The following CHADL variants were observed in gnomAD, a reference collection of about 807,000 sequenced individuals.
CHADL encodes the protein chondroadherin like.
Under a neutral mutation model 52.1 loss-of-function variants are expected in CHADL, and 48 were observed. The observed-to-expected ratio is 0.92, with a 90% CI of 0.73 to 1.17. The LOEUF (loss-of-function observed/expected upper bound fraction) is 1.17. CHADL is among the 50% of genes most tolerant of loss of function. The pLI is 0.00. For synonymous variants in CHADL, 498 were observed against 511.2 expected (o/e 0.97, Z 0.35); for missense variants, 977 against 1,035.1 (o/e 0.94, Z 0.77).
chr22:41,230,778 A>G (rs1401754017), intron 5 of CHADL: 1 of 153,446 alleles, frequency 6.5e-6, no homozygotes. Flanking sequence ...TCTCAGCCTC[A>G]TGTGTTGGTC....
At chr22:41,230,771 C>T (rs908496904) in intron 5 of CHADL, 5 of 154,060 alleles carry the variant, frequency 3.2e-5, no homozygotes, top group African/African-American at 9.6e-5. Flanking sequence ...GAATGCCTCT[C>T]AGCCTCATGT....
chr22:41,236,657 G>A lies in CHADL; in HGVS notation c.1897-7C>T, dbSNP rs1254481636. On this transcript the variant is annotated splice_polypyrimidine_tract_variant and splice_region_variant and intron_variant, in intron 3 of 5. Transcript: ENST00000216241. ...AAAAGGCCCCAGGACAAATCTGCAAGGAGTTGCCAGGCCCCAATGTGAGCT... is the reference window on the plus strand; with the variant it reads ...AAAAGGCCCCAGGACAAATCTGCAAAGAGTTGCCAGGCCCCAATGTGAGCT... 1 of 1,545,286 alleles carries A rather than the reference G, an allele frequency of 6.5e-7. No individual in the cohort carries two copies. The highest frequency in any genetic ancestry group is 8.7e-7 in the Non-Finnish European group (1 of 1,145,994).
chr22:41,239,667 A>G (rs777415300), intron 1 of CHADL, 47 bp from the exon 2 acceptor site: 41 of 1,439,900 alleles, frequency 2.8e-5, no homozygotes, highest in African/African-American at 7.2e-5. Flanking sequence ...CCGAGGCCAC[A>G]TGCTGTCCCT....
chr22:41,230,279 GC>G (rs1466931005), intron 5 of CHADL: 1 of 1,566,306 alleles, frequency 6.4e-7, no homozygotes, highest in Non-Finnish European at 8.8e-7. Flanking sequence ...CTGGCTTCTA[GC>G]TGGAAGCCAG....
chr22:41,235,456 C>T, intron 4 of CHADL, 113 bp from the exon 5 acceptor site: 1 of 771,734 alleles, frequency 1.3e-6, no homozygotes, highest in Non-Finnish European at 2.1e-6. Context: ...CACAAGGCCA[C>T]AGGCAGCATG....
Position 41,229,586 on chromosome 22 carries a change from C to T in CHADL, c.*118G>A, listed in dbSNP as rs183758194. The T allele has an allele frequency of 6.2e-7, 1 of 1,613,580 alleles. No homozygotes were observed. ...AGACGCGACCCCTCAGACAGGGGTC[C>T]AAGAAGCCCCTGCTGGAGGACGACC... On this transcript the variant is annotated 3_prime_UTR_variant, in exon 6 of 6. Transcript: ENST00000216241.
chr22:41,237,246 C>T lies in CHADL; in HGVS notation c.1826G>A (p.Arg609His). The T allele has an allele frequency of 6.4e-7, 1 of 1,550,526 alleles. No homozygotes were observed. The highest frequency in any genetic ancestry group is 1.2e-5 in the South Asian group (1 of 84,044). ...QLSGNPLRAL[R>H]DGAFQPVGRS... ...GCCCACAGGCTGGAAGGCTCCGTCA[C>T]GCAAGGCCCTGAGTGGGTTGCCCGA... The change falls in exon 3 of 6, where the codon CGT (arginine) becomes CAT (histidine). Residue 609 changes from arginine (R) to histidine (H), a missense_variant. Transcript: ENST00000216241.
At position 41,233,092 on chromosome 22, in the gene CHADL, T is replaced by TTAA. The variant is rs529051627; in HGVS notation, c.2262+2052_2262+2053insTTA. ...GAGTATGACCTTACTTGGAAATAGA[T>TTAA]TCCTTACAGAAGTAATGAAGTTAAA... On this transcript the variant is annotated intron_variant, in intron 5 of 5. Coordinates refer to ENST00000216241, the MANE Select transcript of CHADL (RefSeq NM_138481.2). Among the ~76,000 whole-genome samples, 17 of 152,202 alleles carry TTAA rather than the reference T, an allele frequency of 1.1e-4. No homozygotes were observed. In the South Asian group the frequency reaches 3.3e-3, roughly 30 times the overall value.
In CHADL at chr22:41,232,075, G is replaced by A. The variant is rs150297179; in HGVS notation, c.2263-2345C>T. Among the ~76,000 whole-genome samples the A allele has an allele frequency of 9.4e-3, 1,437 of 152,294 alleles. 7 individuals are homozygous for A. Among genetic ancestry groups the A allele is most frequent in the Non-Finnish European group, 0.015 (1,048 of 68,038 alleles). ...TTGCCGGGCGCGGTGGCTCACGCCT[G>A]TAATCCCAGCACTTTGGGAGGCCAC... is the stretch of plus-strand genomic sequence containing the variant. On this transcript the variant is annotated intron_variant, in intron 5 of 5. Transcript: ENST00000216241.
At position 41,230,233 on chromosome 22, in the gene CHADL, G is replaced by A. The variant is rs750626823; in HGVS notation, c.2263-503C>T. The A allele has an allele frequency of 1.4e-5, 23 of 1,612,910 alleles. No homozygotes were observed. The South Asian group carries it at 2.5e-4, about 18-fold the overall frequency. ...TGCCTGTCTCCGTCGAGAACATCAA[G>A]CAGGAAACAGACGACTGAGCCTTCC... On this transcript the variant is annotated intron_variant, in intron 5 of 5. Coordinates refer to ENST00000216241, the MANE Select transcript of CHADL (RefSeq NM_138481.2).
chr22:41,239,097 C>T (rs531185316), intron 2 of CHADL, among the ~76,000 whole-genome samples: 119 of 152,286 alleles, frequency 7.8e-4, no homozygotes, highest in African/African-American at 2.8e-3. Flanking sequence ...CCTGCCTCCT[C>T]GCTCTCTCTC....
intron 5 of CHADL, chr22:41,230,089 C>CCCCCCCCCTTT: frequency 1.1e-6 from 1 of 873,242 alleles, no homozygotes. Context: ...GCCCCCACCC[C>CCCCCCCCCTTT]TCCCAGAGTT....
chr22:41,239,739 G>T, intron 1 of CHADL, 119 bp from the exon 2 acceptor site: 1 of 947,352 alleles, frequency 1.1e-6, no homozygotes, highest in Non-Finnish European at 1.5e-6. Context: ...TCCTCCTTTG[G>T]GCCCAGGAAA....
rs377726225 is a variant in CHADL, at chr22:41,240,918, C to T, written c.-37G>A. ...CTGCTGGTCCAGCCTGGAGGCGCAGCGCAGGGACAGGCTGTCCCCGCCTGG... is the reference window on the plus strand; with the variant it reads ...CTGCTGGTCCAGCCTGGAGGCGCAGTGCAGGGACAGGCTGTCCCCGCCTGG... On this transcript the variant is annotated 5_prime_UTR_variant, in exon 1 of 6. Coordinates refer to ENST00000216241, the MANE Select transcript of CHADL (RefSeq NM_138481.2). 33 of 1,544,522 alleles carry T rather than the reference C, an allele frequency of 2.1e-5. No homozygotes were observed. Among genetic ancestry groups the T allele is most frequent in the Middle Eastern group, 1.7e-4 (1 of 5,962 alleles).
intron 1 of CHADL, among the ~76,000 whole-genome samples, 154 bp from the exon 2 acceptor site, chr22:41,239,774 G>GC (rs1391053886): frequency 6.6e-6 from 1 of 152,106 alleles, no homozygotes; most frequent in Non-Finnish European, 1.5e-5. Flanking sequence ...GAGCCTCCCT[G>GC]CCCCCCACCC....
chr22:41,238,033 G>A lies in CHADL; in HGVS notation c.1039C>T (p.Leu347=). Residue 347 remains leucine, a synonymous_variant, in exon 3 of 6, where the codon CTG becomes TTG. Coordinates refer to ENST00000216241, the MANE Select transcript of CHADL (RefSeq NM_138481.2). This position sits in a 1 kb window ranked among gnomAD's most constrained non-coding sequence, Gnocchi z 4.9. ...QGPRRLRGEA[L]DALRPWDLRC... ...AGGTCCCAGGGCCGCAGGGCGTCCA[G>A]AGCCTCGCCCCGCAGGCGCCGCGGC... The A allele has an allele frequency of 7.8e-7, 1 of 1,279,990 alleles. No homozygotes were observed. Among genetic ancestry groups the A allele is most frequent in the Non-Finnish European group, 9.8e-7 (1 of 1,020,038 alleles). The allele number at this position is 1,279,990 out of a possible 1,614,324, so 79.3% of individuals were successfully genotyped here.
In CHADL at chr22:41,238,926, G is replaced by T; in HGVS notation, c.187-41C>A. The T allele has an allele frequency of 6.7e-7, 1 of 1,487,580 alleles. No homozygotes were observed. Among genetic ancestry groups the T allele is most frequent in the South Asian group, 1.3e-5 (1 of 76,494 alleles). The allele number at this position is 1,487,580 out of a possible 1,614,324, so 92.1% of individuals were successfully genotyped here. ...AGAAAGTGGGGCTGAGCCAGGCAGG[G>T]ACCCCGCCTTTGCAAGTGCTGCTTC... On this transcript the variant is annotated intron_variant, in intron 2 of 5. Transcript: ENST00000216241. The surrounding 1 kb of genome is among the most constrained non-coding windows in gnomAD (Gnocchi z 4.9).
intron 5 of CHADL, chr22:41,230,219 G>C (rs776539879): frequency 2.5e-6 from 4 of 1,608,268 alleles, no homozygotes; most frequent in South Asian, 2.2e-5. Context: ...GCCTGTCTCC[G>C]TCGAGAACAT....
chr22:41,237,365 C>G lies in CHADL; in HGVS notation c.1707G>C (p.Arg569=). Reference sequence around the variant, plus strand: ...TGTCCAGGTGCAGCTTCTCCAGCTCCCGAGCTGGGCCCAGCGCCCCAAGGG... The same window carrying G: ...TGTCCAGGTGCAGCTTCTCCAGCTCGCGAGCTGGGCCCAGCGCCCCAAGGG... ...EVSLGALGPA[R]ELEKLHLDRN... is the part of the protein sequence containing the mutation. The change falls in exon 3 of 6, where the codon CGG becomes CGC. Residue 569 remains arginine (R), a synonymous_variant. Coordinates refer to ENST00000216241, the MANE Select transcript of CHADL (RefSeq NM_138481.2). 6.4e-7 allele frequency: 1 copy of G among 1,550,682 alleles called. No homozygotes were observed. Among genetic ancestry groups the G allele is most frequent in the Non-Finnish European group, 8.7e-7 (1 of 1,146,968 alleles).
Sources: allele counts gnomAD v4.1 joint callset (sites outside exome capture counted in the v4.1 genomes callset), GRCh38; gene constraint gnomAD v4.1.1; non-coding constraint Gnocchi (gnomAD v3.1); transcripts MANE v1.5; gene names NCBI Gene and HGNC (gene_info 2026-07-23, HGNC 2026-07-21).